The following HCRTR2 variants were observed in gnomAD, a reference collection of about 807,000 sequenced individuals.
HCRTR2 encodes the protein hypocretin receptor 2.
HCRTR2 carries 22 observed loss-of-function variants against 49.0 expected under a neutral mutation model. The ratio of observed to expected loss-of-function variants is 0.45; its 90% CI spans 0.32 to 0.64. The LOEUF is 0.64. HCRTR2 is among the 30% of genes least tolerant of loss of function. The probability of loss-of-function intolerance (pLI) is 0.04; values close to 1 mark genes in which losing one functional copy is unlikely to be tolerated. For missense variants in HCRTR2, 491 were observed against 559.4 expected, an observed-to-expected ratio of 0.88 and a Z score of 1.23; for synonymous variants, 236 against 205.3, an observed-to-expected ratio of 1.15 and a Z score of -1.28.
At chr6:55,186,572 G>A (rs146552126) in intron 1 of HCRTR2, among the ~76,000 whole-genome samples, 1 of 152,258 alleles carries the variant, frequency 6.6e-6, no homozygotes, top group East Asian at 1.9e-4. Flanking sequence ...GTTTTCTCAA[G>A]TAAGATACAC....
chr6:55,262,765 AATAT>A (rs3065669), intron 3 of HCRTR2, among the ~76,000 whole-genome samples: 41,736 of 138,590 alleles, frequency 0.3, 6,338 homozygotes, highest in Middle Eastern at 0.35. Flanking sequence ...TTAGGTAGGG[AATAT>A]ATATATATAT....
intron 1 of HCRTR2, among the ~76,000 whole-genome samples, chr6:55,217,303 C>T (rs1257478574): frequency 6.6e-6 from 1 of 152,184 alleles, no homozygotes; most frequent in Non-Finnish European, 1.5e-5. Flanking sequence ...ATCTCTTTAG[C>T]AAGCAGTTTT....
At chr6:55,125,102 G>A (rs918646886) in intron 1 of HCRTR2, among the ~76,000 whole-genome samples, 3 of 151,972 alleles carry the variant, frequency 2.0e-5, no homozygotes, top group East Asian at 1.9e-4. Flanking sequence ...GGAACATTTA[G>A]CCAATTTACA....
chr6:55,200,277 GTT>G (rs199648560), intron 1 of HCRTR2, among the ~76,000 whole-genome samples: 1,579 of 112,640 alleles, frequency 0.014, 31 homozygotes, highest in African/African-American at 0.049. Context: ...GTGTGTGTGT[GTT>G]TTTGAAACGG....
chr6:55,108,965 G>A (rs1764012163), intron 1 of HCRTR2, among the ~76,000 whole-genome samples: 1 of 152,076 alleles, frequency 6.6e-6, no homozygotes, highest in East Asian at 1.9e-4. Context: ...TATAAACTCG[G>A]TGCTGTTGAG....
chr6:55,211,980 T>C (rs1765704135), intron 1 of HCRTR2, among the ~76,000 whole-genome samples: 1 of 152,152 alleles, frequency 6.6e-6, no homozygotes, highest in Non-Finnish European at 1.5e-5. Flanking sequence ...AGCACAGGGC[T>C]TCTCTAAAAG....
chr6:55,249,017 C>G (rs1406416715), intron 2 of HCRTR2, among the ~76,000 whole-genome samples, 200 bp downstream of exon 2: 2 of 152,102 alleles, frequency 1.3e-5, no homozygotes, highest in East Asian at 3.9e-4. Flanking sequence ...GCCAAATCAT[C>G]ATTAGATGCT....
intron 1 of HCRTR2, among the ~76,000 whole-genome samples, chr6:55,130,828 A>T (rs187945565): frequency 6.6e-6 from 1 of 151,998 alleles, no homozygotes; most frequent in Non-Finnish European, 1.5e-5. Flanking sequence ...ACTTGTAAAC[A>T]CTACTGTTTT....
chr6:55,177,441 C>G (rs767510366), intron 1 of HCRTR2, among the ~76,000 whole-genome samples: 6 of 152,118 alleles, frequency 3.9e-5, no homozygotes, highest in Admixed American at 1.3e-4. Context: ...TTGAGAATTG[C>G]TTCTTTGCCC....
intron 1 of HCRTR2, among the ~76,000 whole-genome samples, chr6:55,126,814 C>G (rs1419283441): frequency 1.3e-5 from 2 of 152,168 alleles, no homozygotes; most frequent in Non-Finnish European, 2.9e-5. Context: ...CCTTGCTGAG[C>G]TGCAGTGGGC....
chr6:55,234,304 T>G (rs1031529333), intron 1 of HCRTR2, among the ~76,000 whole-genome samples: 1 of 152,098 alleles, frequency 6.6e-6, no homozygotes, highest in African/African-American at 2.4e-5. Flanking sequence ...ATGTTTAGAA[T>G]GGAACACCTG....
chr6:55,223,140 T>C (rs530056969), intron 1 of HCRTR2, among the ~76,000 whole-genome samples: 9 of 152,302 alleles, frequency 5.9e-5, no homozygotes, highest in Non-Finnish European at 1.0e-4. Flanking sequence ...TTTAGTTTGT[T>C]TCCCATTTTT....
chr6:55,206,137 A>C (rs1765596938), intron 1 of HCRTR2, among the ~76,000 whole-genome samples: 1 of 152,180 alleles, frequency 6.6e-6, no homozygotes, highest in Non-Finnish European at 1.5e-5. Flanking sequence ...AGACCAATAA[A>C]TAACCAAGTA....
At chr6:55,125,832 A>G (rs1764267531) in intron 1 of HCRTR2, among the ~76,000 whole-genome samples, 1 of 151,352 alleles carries the variant, frequency 6.6e-6, no homozygotes, top group Non-Finnish European at 1.5e-5. Context: ...TTTTTTTTTC[A>G]AATCTTGTCT....
chr6:55,275,671 G>A (rs147768597), intron 4 of HCRTR2, among the ~76,000 whole-genome samples: 7 of 147,388 alleles, frequency 4.7e-5, no homozygotes, highest in South Asian at 2.1e-4. Context: ...GTAATTGTGT[G>A]ATCTCATCGG....
At chr6:55,131,442 TAAC>T (rs1449963228) in intron 1 of HCRTR2, among the ~76,000 whole-genome samples, 1 of 151,816 alleles carries the variant, frequency 6.6e-6, no homozygotes, top group African/African-American at 2.4e-5. Context: ...GTTTGTAACT[TAAC>T]AATCTTGTGT....
chr6:55,261,299 A>G (rs1766751295), intron 3 of HCRTR2, among the ~76,000 whole-genome samples: 1 of 152,212 alleles, frequency 6.6e-6, no homozygotes, highest in Admixed American at 6.5e-5. Context: ...GACAATTCTC[A>G]AAAGAAGGTA....
chr6:55,245,146 T>C (rs1341222448), intron 1 of HCRTR2, among the ~76,000 whole-genome samples: 1 of 151,790 alleles, frequency 6.6e-6, no homozygotes, highest in African/African-American at 2.4e-5. Context: ...ATTTGACTAT[T>C]TGGGCATAGC....
intron 4 of HCRTR2, among the ~76,000 whole-genome samples, chr6:55,274,163 T>C (rs1767028241): frequency 6.7e-6 from 1 of 150,024 alleles, no homozygotes; most frequent in Non-Finnish European, 1.5e-5. Flanking sequence ...ATACTAAGCC[T>C]TTTAATGCAT....
Sources: allele counts gnomAD v4.1 joint callset (sites outside exome capture counted in the v4.1 genomes callset), GRCh38; gene constraint gnomAD v4.1.1; transcripts MANE v1.5; gene names NCBI Gene and HGNC (gene_info 2026-07-23, HGNC 2026-07-21).